SPOCK3: variants seen among roughly 807,000 people sequenced by gnomAD.
SPOCK3 encodes the protein testican-3.
In SPOCK3, 30 loss-of-function variants were observed where a neutral mutation model predicts 56.6. The ratio of observed to expected loss-of-function variants is 0.53; its 90% CI spans 0.40 to 0.72. SPOCK3 has a LOEUF of 0.72. Ranked by LOEUF, SPOCK3 falls within the 30% of genes least tolerant of loss-of-function variation. The pLI, the probability that SPOCK3 is intolerant of heterozygous loss-of-function variation, is 0.00. For missense variants in SPOCK3, 527 were observed against 530.0 expected, an observed-to-expected ratio of 0.99 and a Z score of 0.06; for synonymous variants, 196 against 183.3, an observed-to-expected ratio of 1.07 and a Z score of -0.56.
chr4:166,914,187 G>T (rs1172937894), intron 4 of SPOCK3, among the ~76,000 whole-genome samples: 1 of 151,852 alleles, frequency 6.6e-6, no homozygotes, highest in African/African-American at 2.4e-5. Context: ...GCAAGTTTGG[G>T]CTTCTAATCA....
chr4:166,865,323 T>C (rs555446638), intron 6 of SPOCK3, among the ~76,000 whole-genome samples: 2 of 152,246 alleles, frequency 1.3e-5, no homozygotes, highest in East Asian at 3.9e-4. Flanking sequence ...ATAGCCAATA[T>C]CAAATTGAAT....
chr4:167,048,136 T>C (rs1753886396), intron 3 of SPOCK3, among the ~76,000 whole-genome samples: 1 of 152,068 alleles, frequency 6.6e-6, no homozygotes. Context: ...CTACACATTA[T>C]CTTAATTAAA....
At position 167,130,335 on chromosome 4, in the gene SPOCK3, G is replaced by T. The variant is rs149210601; in HGVS notation, c.190-67798C>A. 8.3e-3 allele frequency among the ~76,000 whole-genome samples: 1,256 copies of T among 152,028 alleles called. 7 individuals carry two copies. Among genetic ancestry groups the T allele is most frequent in the Non-Finnish European group, 0.013 (857 of 67,970 alleles). On this transcript the variant is annotated intron_variant, in intron 2 of 10. Transcript: ENST00000357545. The stretch of plus-strand genomic sequence containing the variant: ...ATCAAAGTTAAATATATTTAAATTA[G>T]ACATAAAAATTTGGAGTTTTTTTAT...
intron 2 of SPOCK3, among the ~76,000 whole-genome samples, chr4:167,134,332 GCTTGATGA>G (rs1244013636): frequency 6.6e-6 from 1 of 151,722 alleles, no homozygotes; most frequent in Non-Finnish European, 1.5e-5. Context: ...CGCACGTGGC[GCTTGATGA>G]CTTGTACACC....
chr4:166,856,683 A>G (rs946353946), intron 6 of SPOCK3, among the ~76,000 whole-genome samples: 3 of 152,068 alleles, frequency 2.0e-5, no homozygotes, highest in African/African-American at 7.2e-5. Context: ...CTGAGGCAGG[A>G]GAATTGCTTG....
intron 2 of SPOCK3, among the ~76,000 whole-genome samples, chr4:167,217,205 T>C (rs553646156): frequency 6.6e-6 from 1 of 152,240 alleles, no homozygotes; most frequent in African/African-American, 2.4e-5. Flanking sequence ...TTGGACAATT[T>C]TATTTACAAG....
At chr4:167,148,395 T>C (rs1764153665) in intron 2 of SPOCK3, among the ~76,000 whole-genome samples, 1 of 152,162 alleles carries the variant, frequency 6.6e-6, no homozygotes, top group Admixed American at 6.6e-5. Flanking sequence ...GAGATGATAA[T>C]AGACTCTGAG....
chr4:167,109,797 G>A (rs1305194247), intron 2 of SPOCK3, among the ~76,000 whole-genome samples: 1 of 150,952 alleles, frequency 6.6e-6, no homozygotes, highest in African/African-American at 2.4e-5. Context: ...CTATATGAAG[G>A]AGCAATGAAA....
intron 3 of SPOCK3, among the ~76,000 whole-genome samples, chr4:167,032,685 TCTA>T (rs986788337): frequency 4.9e-4 from 74 of 151,880 alleles, no homozygotes; most frequent in African/African-American, 1.7e-3. Flanking sequence ...AATACTGCAT[TCTA>T]CTAAGATATA....
At chr4:167,228,263 G>C (rs1736797244) in intron 2 of SPOCK3, among the ~76,000 whole-genome samples, 1 of 152,004 alleles carries the variant, frequency 6.6e-6, no homozygotes, top group African/African-American at 2.4e-5. Context: ...ATTTATGCAA[G>C]AATCTACGCA....
chr4:167,220,432 G>A (rs1285064694), intron 2 of SPOCK3, among the ~76,000 whole-genome samples: 1 of 137,616 alleles, frequency 7.3e-6, no homozygotes, highest in Non-Finnish European at 1.5e-5. Context: ...AGGCTGCAGT[G>A]CAGTGGTGTG....
chr4:166,909,668 C>T (rs1737042939), intron 5 of SPOCK3, among the ~76,000 whole-genome samples: 2 of 152,068 alleles, frequency 1.3e-5, no homozygotes, highest in African/African-American at 4.8e-5. Flanking sequence ...TAATCTTTAA[C>T]ATATCAGGAC....
At chr4:166,939,569 G>A (rs1740821271) in intron 4 of SPOCK3, among the ~76,000 whole-genome samples, 1 of 152,156 alleles carries the variant, frequency 6.6e-6, no homozygotes, top group African/African-American at 2.4e-5. Flanking sequence ...TACCTGAGTT[G>A]GGATCTGCAG....
At chr4:166,858,241 A>G (rs1234518488) in intron 6 of SPOCK3, among the ~76,000 whole-genome samples, 1 of 152,162 alleles carries the variant, frequency 6.6e-6, no homozygotes, top group African/African-American at 2.4e-5. Context: ...TTCTACTGAG[A>G]ATTTGGAAGG....
intron 2 of SPOCK3, among the ~76,000 whole-genome samples, chr4:167,194,482 G>T (rs944184420): frequency 6.6e-6 from 1 of 152,154 alleles, no homozygotes; most frequent in East Asian, 1.9e-4. Flanking sequence ...TGTTTTACTT[G>T]TGTGGTGTCA....
intron 3 of SPOCK3, among the ~76,000 whole-genome samples, chr4:167,059,570 C>A (rs1755347649): frequency 6.6e-6 from 1 of 152,022 alleles, no homozygotes; most frequent in Non-Finnish European, 1.5e-5. Context: ...TAAACTAGTT[C>A]AACCATTGTG....
rs181824518 is a variant in SPOCK3 at position 167,205,706 on chromosome 4, G to A, written c.189+28279C>T. Reference sequence around the variant, plus strand: ...CAACTCACTGCAACTTCTGTCCCCGGGGTTTAAGCAATTCTCCTGCCTCAG... The same window carrying A: ...CAACTCACTGCAACTTCTGTCCCCGAGGTTTAAGCAATTCTCCTGCCTCAG... On this transcript the variant is annotated intron_variant, in intron 2 of 10. Coordinates refer to ENST00000357545, the MANE Select transcript of SPOCK3 (RefSeq NM_001040159.2). Among the ~76,000 whole-genome samples, 3 of 139,700 alleles carry A rather than the reference G, an allele frequency of 2.1e-5. No individual in the cohort carries two copies. The East Asian group carries it at 6.1e-4, about 29-fold the overall frequency. 91.6% of individuals were successfully genotyped at this position (139,700 alleles called of 152,430 possible). A position where few individuals can be genotyped will look rare whatever the true frequency, so the allele number is the denominator to read the frequency against.
intron 3 of SPOCK3, among the ~76,000 whole-genome samples, chr4:167,003,979 T>A (rs930228737): frequency 1.3e-5 from 2 of 152,174 alleles, no homozygotes; most frequent in Non-Finnish European, 2.9e-5. Context: ...TTCACATTTG[T>A]TTTTGGTCTC....
At chr4:166,927,601 G>A (rs1484507401) in intron 4 of SPOCK3, among the ~76,000 whole-genome samples, 1 of 152,096 alleles carries the variant, frequency 6.6e-6, no homozygotes, top group Non-Finnish European at 1.5e-5. Context: ...AGACCTAAAT[G>A]TACAATGCAA....
Sources: allele counts gnomAD v4.1 joint callset (sites outside exome capture counted in the v4.1 genomes callset), GRCh38; gene constraint gnomAD v4.1.1; transcripts MANE v1.5; gene names NCBI Gene and HGNC (gene_info 2026-07-23, HGNC 2026-07-21).